GMDS: variants seen among roughly 807,000 people sequenced by gnomAD.
GMDS encodes GDP-mannose 4,6 dehydratase.
GMDS carries 20 observed loss-of-function variants against 49.9 expected under a neutral mutation model. That is an observed-to-expected ratio of 0.40 (90% CI 0.28 to 0.58). The LOEUF (loss-of-function observed/expected upper bound fraction) is 0.58. Ranked by LOEUF, GMDS falls within the 20% of genes least tolerant of loss-of-function variation. The probability of loss-of-function intolerance (pLI) is 0.42; values close to 1 mark genes in which losing one functional copy is unlikely to be tolerated. For synonymous variants in GMDS, 177 were observed against 178.6 expected, an observed-to-expected ratio of 0.99 and a Z score of 0.07; for missense variants, 362 against 481.4, an observed-to-expected ratio of 0.75 and a Z score of 2.32.
chr6:1,882,104 G>A (rs1037480700), intron 7 of GMDS, among the ~76,000 whole-genome samples: 4 of 152,310 alleles, frequency 2.6e-5, no homozygotes, highest in African/African-American at 9.6e-5. Context: ...ATCAATGAAG[G>A]AAGGCATGGG....
chr6:2,230,079 C>T (rs567553492), intron 1 of GMDS, among the ~76,000 whole-genome samples: 2 of 142,002 alleles, frequency 1.4e-5, no homozygotes, highest in East Asian at 2.1e-4. Context: ...TCCACAGTTG[C>T]GAGACTCCTC....
chr6:1,966,136 A>G (rs1177738600), intron 4 of GMDS, among the ~76,000 whole-genome samples: 1 of 152,208 alleles, frequency 6.6e-6, no homozygotes, highest in Non-Finnish European at 1.5e-5. Flanking sequence ...CCTTTACAGA[A>G]GAAGCTTCCA....
intron 4 of GMDS, among the ~76,000 whole-genome samples, chr6:2,062,941 C>T (rs1201546437): frequency 6.6e-6 from 1 of 152,144 alleles, no homozygotes; most frequent in Non-Finnish European, 1.5e-5. Context: ...ATATCATACA[C>T]AAAGCATCTA....
chr6:1,759,325 T>C (rs1768074666), intron 7 of GMDS, among the ~76,000 whole-genome samples: 1 of 152,180 alleles, frequency 6.6e-6, no homozygotes. Context: ...ATGTTAAAGA[T>C]GAAGCAGCTG....
intron 1 of GMDS, among the ~76,000 whole-genome samples, chr6:2,215,298 A>G (rs1297526918): frequency 6.6e-6 from 1 of 152,206 alleles, no homozygotes; most frequent in African/African-American, 2.4e-5. Flanking sequence ...TGATAAAGAC[A>G]TAACTCAGAC....
chr6:1,700,266 C>T (rs764474279), intron 9 of GMDS, among the ~76,000 whole-genome samples: 25 of 152,288 alleles, frequency 1.6e-4, no homozygotes, highest in Non-Finnish European at 5.9e-5. Flanking sequence ...TTCTCAATTA[C>T]TCTGCGAAAG....
At chr6:2,149,540 C>T (rs778876039) in intron 1 of GMDS, among the ~76,000 whole-genome samples, 5 of 152,142 alleles carry the variant, frequency 3.3e-5, no homozygotes, top group Non-Finnish European at 7.3e-5. Flanking sequence ...AACTAGGCAG[C>T]GTGGAGCAGA....
At chr6:2,119,967 TATTA>T (rs1307913328) in intron 2 of GMDS, among the ~76,000 whole-genome samples, 1 of 152,200 alleles carries the variant, frequency 6.6e-6, no homozygotes, top group Non-Finnish European at 1.5e-5. Context: ...CTTTATTATT[TATTA>T]ATTATGATCA....
At position 1,726,519 on chromosome 6, in the gene GMDS, G is replaced by A; in HGVS notation, c.891-7C>T. On this transcript the variant is annotated splice_polypyrimidine_tract_variant and splice_region_variant and intron_variant, in intron 8 of 10. Transcript: ENST00000380815. ...TTCATTCTTTCCTTCCCACCTGTAA[G>A]GAAGATAAACACTGAATCAGCTCCT... 2 of 1,599,316 alleles carry A rather than the reference G, an allele frequency of 1.3e-6. No individual in the cohort carries two copies. The highest frequency in any genetic ancestry group is 1.7e-6 in the Non-Finnish European group (2 of 1,166,494).
intron 7 of GMDS, among the ~76,000 whole-genome samples, chr6:1,816,665 G>A (rs976708157): frequency 6.6e-6 from 1 of 152,182 alleles, no homozygotes; most frequent in Admixed American, 6.5e-5. Context: ...ACACAGAAGT[G>A]CACAGAATTA....
intron 1 of GMDS, among the ~76,000 whole-genome samples, chr6:2,239,085 T>C (rs1490997181): frequency 6.6e-6 from 1 of 152,160 alleles, no homozygotes; most frequent in Admixed American, 6.5e-5. Context: ...TCCCAGCACT[T>C]TGGGAGGCCA....
chr6:2,113,651 G>T (rs909230665), intron 4 of GMDS, among the ~76,000 whole-genome samples: 1 of 151,716 alleles, frequency 6.6e-6, no homozygotes, highest in African/African-American at 2.4e-5. Context: ...GTTCCGCCTC[G>T]CACTATCCAT....
At chr6:2,223,805 TTGGAACTCAGGGTC>T (rs1185290294) in intron 1 of GMDS, among the ~76,000 whole-genome samples, 1 of 152,084 alleles carries the variant, frequency 6.6e-6, no homozygotes, top group East Asian at 1.9e-4. Flanking sequence ...GTTGAGGCAT[TTGGAACTCAGGGTC>T]TGGAACTCAG....
At chr6:1,728,881 T>C (rs778209040) in intron 8 of GMDS, among the ~76,000 whole-genome samples, 2 of 152,052 alleles carry the variant, frequency 1.3e-5, no homozygotes, top group South Asian at 2.1e-4. Flanking sequence ...TTCTTCCTTA[T>C]TATTTTCTTC....
chr6:1,643,360 C>T (rs554082938), intron 9 of GMDS, among the ~76,000 whole-genome samples: 1 of 152,320 alleles, frequency 6.6e-6, no homozygotes, highest in Non-Finnish European at 1.5e-5. Flanking sequence ...TGAAAACGAA[C>T]CCTGACTGCC....
At chr6:1,847,851 G>A (rs944574379) in intron 7 of GMDS, among the ~76,000 whole-genome samples, 3 of 152,078 alleles carry the variant, frequency 2.0e-5, no homozygotes, top group African/African-American at 7.2e-5. Flanking sequence ...CTGGGTGTTC[G>A]AGTACACTGA....
At position 2,121,518 on chromosome 6, in the gene GMDS, G is replaced by A. The variant is rs778088280; in HGVS notation, c.147+3169C>T. Reference sequence around the variant, plus strand: ...AACCCTTCACTTTTTCATTTCAAACGGTTCATTCAGAGCATGATCAGATGT... The same window carrying A: ...AACCCTTCACTTTTTCATTTCAAACAGTTCATTCAGAGCATGATCAGATGT... On this transcript the variant is annotated intron_variant, in intron 2 of 10. Transcript: ENST00000380815. Among the ~76,000 whole-genome samples, 7 of 152,140 alleles carry A rather than the reference G, an allele frequency of 4.6e-5. No individual in the cohort carries two copies. In the East Asian group the frequency reaches 5.8e-4, roughly 13 times the overall value.
chr6:2,139,871 G>A (rs1210890510), intron 1 of GMDS, among the ~76,000 whole-genome samples: 3 of 152,162 alleles, frequency 2.0e-5, no homozygotes, highest in Admixed American at 6.5e-5. Context: ...AGAACTCACA[G>A]GAAGACGTCG....
At chr6:1,999,928 A>G (rs1766566965) in intron 4 of GMDS, among the ~76,000 whole-genome samples, 1 of 84,230 alleles carries the variant, frequency 1.2e-5, no homozygotes, top group Non-Finnish European at 2.3e-5. Flanking sequence ...TACATATTAT[A>G]TATTATTATA....
Sources: gnomAD v4.1 joint callset for allele counts (sites outside exome capture counted in the v4.1 genomes callset) on GRCh38, gnomAD v4.1.1 for gene constraint, MANE v1.5 for transcripts, NCBI Gene and HGNC (gene_info 2026-07-23, HGNC 2026-07-21) for gene names.